Variants in MACROD2 observed in about 807,000 individuals in gnomAD.
The protein encoded by MACROD2 is ADP-ribose glycohydrolase MACROD2.
A neutral mutation model predicts 70.4 loss-of-function variants in MACROD2; 36 were observed. The observed-to-expected ratio is 0.51, with a 90% CI of 0.39 to 0.68. The LOEUF is 0.68. Ranked by LOEUF, MACROD2 falls within the 30% of genes least tolerant of loss-of-function variation. MACROD2 has a pLI of 0.00. For synonymous variants in MACROD2, 172 were observed against 178.8 expected (o/e 0.96, Z 0.30); for missense variants, 496 against 538.4 (o/e 0.92, Z 0.78).
intron 5 of MACROD2, among the ~76,000 whole-genome samples, chr20:14,833,369 G>C (rs1313466221): frequency 6.6e-6 from 1 of 152,068 alleles, no homozygotes; most frequent in Non-Finnish European, 1.5e-5. Context: ...ACACTGCCTT[G>C]ATACAAGAAA....
intron 2 of MACROD2, among the ~76,000 whole-genome samples, chr20:14,021,792 TC>T (rs1454297751): frequency 2.0e-5 from 3 of 152,186 alleles, no homozygotes; most frequent in Non-Finnish European, 4.4e-5. Context: ...ATGATTAGTA[TC>T]AGTGAAGAGG....
chr20:15,628,366 A>C (rs577460286), intron 8 of MACROD2, among the ~76,000 whole-genome samples: 72 of 152,336 alleles, frequency 4.7e-4, no homozygotes, highest in African/African-American at 1.7e-3. Flanking sequence ...TATTGCTAGC[A>C]ATCTGCTAAG....
At chr20:15,503,519 C>T (rs1013926966) in intron 8 of MACROD2, among the ~76,000 whole-genome samples, 14 of 152,140 alleles carry the variant, frequency 9.2e-5, no homozygotes, top group African/African-American at 2.9e-4. Flanking sequence ...AAGTGAACTA[C>T]ATTCTTAAAA....
chr20:14,970,210 G>T (rs536793719), intron 5 of MACROD2, among the ~76,000 whole-genome samples: 1 of 152,058 alleles, frequency 6.6e-6, no homozygotes, highest in African/African-American at 2.4e-5. Context: ...TCACCCCCAT[G>T]ATTCAATTGC....
At chr20:14,251,271 T>A (rs925393087) in intron 3 of MACROD2, among the ~76,000 whole-genome samples, 4 of 152,152 alleles carry the variant, frequency 2.6e-5, no homozygotes, top group Middle Eastern at 6.3e-3. Context: ...TGGAAAACGT[T>A]CGATAAAAGT....
intron 7 of MACROD2, among the ~76,000 whole-genome samples, chr20:15,495,731 A>G (rs367546076): frequency 2.0e-4 from 30 of 152,314 alleles, no homozygotes; most frequent in African/African-American, 7.2e-4. Flanking sequence ...TTTTCACTCT[A>G]TTAAGGTTAT....
chr20:16,004,937 C>T (rs1864700540), intron 15 of MACROD2, among the ~76,000 whole-genome samples: 1 of 152,224 alleles, frequency 6.6e-6, no homozygotes, highest in African/African-American at 2.4e-5. Flanking sequence ...TATACACCTG[C>T]ACCCTAAACT....
At chr20:14,244,363 C>A (rs2081952927) in intron 3 of MACROD2, among the ~76,000 whole-genome samples, 1 of 151,880 alleles carries the variant, frequency 6.6e-6, no homozygotes. Context: ...TCAAAATTAT[C>A]CAGTTATTTT....
At chr20:15,938,173 C>T (rs957267746) in intron 12 of MACROD2, among the ~76,000 whole-genome samples, 1 of 152,010 alleles carries the variant, frequency 6.6e-6, no homozygotes, top group African/African-American at 2.4e-5. Context: ...AAATATATAT[C>T]TAAAGGAAAA....
At chr20:15,166,109 A>C (rs2076381948) in intron 5 of MACROD2, among the ~76,000 whole-genome samples, 1 of 152,182 alleles carries the variant, frequency 6.6e-6, no homozygotes, top group South Asian at 2.1e-4. Flanking sequence ...ATTGACTGCA[A>C]ATGGGCACGG....
chr20:14,671,308 A>G (rs1340203646), intron 4 of MACROD2, among the ~76,000 whole-genome samples: 1 of 152,092 alleles, frequency 6.6e-6, no homozygotes, highest in East Asian at 1.9e-4. Context: ...TCTTTAACAT[A>G]CTCTGGGCAG....
chr20:15,497,082 C>G (rs779686487), intron 7 of MACROD2, among the ~76,000 whole-genome samples: 1 of 152,088 alleles, frequency 6.6e-6, no homozygotes, highest in South Asian at 2.1e-4. Context: ...ATGGCGGTAA[C>G]TAGGAGAGAG....
chr20:14,128,067 A>G, intron 3 of MACROD2: 2 of 561,978 alleles, frequency 3.6e-6, no homozygotes, highest in Admixed American at 3.9e-5. Context: ...ACCTACAATG[A>G]TGAGGGGAGT....
At chr20:15,734,203 G>A (rs2050987254) in intron 8 of MACROD2, among the ~76,000 whole-genome samples, 1 of 152,174 alleles carries the variant, frequency 6.6e-6, no homozygotes, top group African/African-American at 2.4e-5. Flanking sequence ...GGCGAGGTTA[G>A]CATTCTGAGT....
chr20:15,487,378 A>C (rs2047175730), intron 7 of MACROD2, among the ~76,000 whole-genome samples: 1 of 152,152 alleles, frequency 6.6e-6, no homozygotes, highest in African/African-American at 2.4e-5. Flanking sequence ...TATCTTTTGG[A>C]ATGTCTTTGA....
At chr20:14,483,558 C>T (rs1174204994) in intron 3 of MACROD2, among the ~76,000 whole-genome samples, 2 of 152,062 alleles carry the variant, frequency 1.3e-5, no homozygotes, top group Non-Finnish European at 2.9e-5. Context: ...AGGCATGTGC[C>T]GCCACGCCTG....
intron 2 of MACROD2, among the ~76,000 whole-genome samples, chr20:14,056,331 T>C (rs940540221): frequency 5.3e-5 from 8 of 152,014 alleles, no homozygotes; most frequent in African/African-American, 1.9e-4. Flanking sequence ...GGTATATATG[T>C]ATTTTATTGT....
intron 5 of MACROD2, among the ~76,000 whole-genome samples, chr20:15,077,346 T>C (rs1350206333): frequency 1.3e-5 from 2 of 152,136 alleles, no homozygotes; most frequent in African/African-American, 4.8e-5. Flanking sequence ...GTTCATGACA[T>C]TAGGCGACAA....
At chr20:14,028,770 C>T (rs1055001526) in intron 2 of MACROD2, among the ~76,000 whole-genome samples, 1 of 152,132 alleles carries the variant, frequency 6.6e-6, no homozygotes, top group African/African-American at 2.4e-5. Context: ...TGAGATGAGC[C>T]AGGTACCTCA....
Sources: allele counts gnomAD v4.1 joint callset (sites outside exome capture counted in the v4.1 genomes callset), GRCh38; gene constraint gnomAD v4.1.1; transcripts MANE v1.5; gene names NCBI Gene and HGNC (gene_info 2026-07-23, HGNC 2026-07-21).